Variants in LATS1 observed in about 807,000 individuals in gnomAD.
LATS1 encodes the protein large tumor suppressor kinase 1.
In LATS1, 25 loss-of-function variants were observed where a neutral mutation model predicts 106.6. That is an observed-to-expected ratio of 0.23 (90% CI 0.17 to 0.33). The LOEUF (loss-of-function observed/expected upper bound fraction) is 0.33. Ranked by LOEUF, LATS1 falls within the 10% of genes least tolerant of loss-of-function variation. The pLI, the probability that LATS1 is intolerant of heterozygous loss-of-function variation, is 1.00. For missense variants in LATS1, 1,040 were observed against 1,382.6 expected, an observed-to-expected ratio of 0.75 and a Z score of 3.93; for synonymous variants, 465 against 455.6, an observed-to-expected ratio of 1.02 and a Z score of -0.26.
rs1401645531 is a variant in LATS1, at chr6:149,658,159, G to A, written c.*3570C>T. On this transcript the variant is annotated 3_prime_UTR_variant, in exon 8 of 8. Coordinates refer to ENST00000543571, the MANE Select transcript of LATS1 (RefSeq NM_004690.4). ...ATTAGCTTTCCACACATAATTGAAA[G>A]ATTTGAATTTTTTTTATTATCCCAG... 6.6e-6 allele frequency: 1 copy of A among 152,078 alleles called. No homozygotes were observed. Among genetic ancestry groups the A allele is most frequent in the East Asian group, 1.9e-4 (1 of 5,204 alleles). 9.4% of individuals were successfully genotyped at this position (152,078 alleles called of 1,614,324 possible). A position where few individuals can be genotyped will look rare whatever the true frequency, so the allele number is the denominator to read the frequency against.
intron 1 of LATS1, chr6:149,716,242 C>G (rs1784384752): frequency 6.6e-6 from 1 of 152,140 alleles, no homozygotes; most frequent in African/African-American, 2.4e-5. Context: ...GTAGTCCCAG[C>G]TACTTGAGAG....
chr6:149,682,290 TGAAG>T (rs940193731), intron 4 of LATS1, among the ~76,000 whole-genome samples: 2 of 152,150 alleles, frequency 1.3e-5, no homozygotes, highest in African/African-American at 2.4e-5. Context: ...GAGATATAAC[TGAAG>T]GAAACTTCTT....
At position 149,662,124 on chromosome 6, in the gene LATS1, C is replaced by T. The variant is rs56412005; in HGVS notation, c.2998G>A (p.Gly1000Ser). The T allele has an allele frequency of 9.9e-6, 16 of 1,613,966 alleles. No individual in the cohort carries two copies. The East Asian group carries it at 1.8e-4, about 18-fold the overall frequency. The change falls in exon 8 of 8, where the codon GGT becomes AGT. Residue 1000 changes from glycine (G) to serine (S), a missense_variant. Transcript: ENST00000543571. ...GGATGAGCTTTTATTTCATCAGCACCATTCTTGCCTAAGCGATCTTCGGGT... is the reference window on the plus strand; with the variant it reads ...GGATGAGCTTTTATTTCATCAGCACTATTCTTGCCTAAGCGATCTTCGGGT... Reference protein sequence around the residue: ...RGPEDRLGKNGADEIKAHPFF... With the variant: ...RGPEDRLGKNSADEIKAHPFF...
chr6:149,679,799 A>G (rs1781937253), intron 5 of LATS1, 76 bp downstream of exon 5: 4 of 1,094,134 alleles, frequency 3.7e-6, no homozygotes, highest in Non-Finnish European at 5.2e-6. Flanking sequence ...CAGTGATGAT[A>G]CCATCTTATA....
chr6:149,715,248 T>C (rs1049289447), intron 1 of LATS1, among the ~76,000 whole-genome samples: 1 of 152,060 alleles, frequency 6.6e-6, no homozygotes, highest in African/African-American at 2.4e-5. Context: ...TTTGTATTTT[T>C]AGTAGAGATG....
rs1247350096 is a variant in LATS1, at chr6:149,658,884, G to GT, written c.*2844dup. 1 of 152,058 alleles carries GT rather than the reference G, an allele frequency of 6.6e-6. No individual in the cohort carries two copies. The highest frequency in any genetic ancestry group is 1.5e-5 in the Non-Finnish European group (1 of 68,006). The allele number at this position is 152,058 out of a possible 1,614,324, so 9.4% of individuals were successfully genotyped here. A position where few individuals can be genotyped will look rare whatever the true frequency, so the allele number is the denominator to read the frequency against. ...AATACTATTGATATGCATAAAAAGG[G>GT]TAAGTATAATAAAGACAGCAAGTTT... On this transcript the variant is annotated 3_prime_UTR_variant, in exon 8 of 8. Transcript: ENST00000543571.
chr6:149,687,104 T>G (rs895434810), intron 3 of LATS1, among the ~76,000 whole-genome samples: 1 of 151,938 alleles, frequency 6.6e-6, no homozygotes, highest in Non-Finnish European at 1.5e-5. Context: ...TATTTTTTTT[T>G]TTTTGAGACA....
At chr6:149,695,648 C>G (rs767201585) in intron 2 of LATS1, among the ~76,000 whole-genome samples, 2 of 150,272 alleles carry the variant, frequency 1.3e-5, no homozygotes, top group South Asian at 4.2e-4. Context: ...GTATTCCAGC[C>G]TGGGCAACAG....
At chr6:149,672,613 A>T (rs1280172512) in intron 7 of LATS1, among the ~76,000 whole-genome samples, 2 of 151,968 alleles carry the variant, frequency 1.3e-5, no homozygotes. Context: ...TATTGCTTTT[A>T]AATTTTAGTT....
In LATS1 at chr6:149,659,927, G is replaced by C; in HGVS notation, c.*1802C>G. On this transcript the variant is annotated 3_prime_UTR_variant, in exon 8 of 8. Coordinates refer to ENST00000543571, the MANE Select transcript of LATS1 (RefSeq NM_004690.4). ...TATATTAAAACAACTTAATGTACCA[G>C]CAAGAGAGGCATTCATAAGGTCACC... is the stretch of plus-strand genomic sequence containing the variant. The C allele has an allele frequency of 4.3e-6, 1 of 230,348 alleles. No homozygotes were observed. Among genetic ancestry groups the C allele is most frequent in the Non-Finnish European group, 8.6e-6 (1 of 116,330 alleles). The allele number at this position is 230,348 out of a possible 1,614,324, so 14.3% of individuals were successfully genotyped here.
Position 149,684,183 on chromosome 6 carries a change from T to C in LATS1, c.906A>G (p.Pro302=). ...PPGAWQEGYP[P]PPLNTSPMNP... Reference sequence around the variant, plus strand: ...TCATGGGGGAAGTGTTGAGAGGTGGTGGAGGATAGCCCTCTTGCCATGCCC... The same window carrying C: ...TCATGGGGGAAGTGTTGAGAGGTGGCGGAGGATAGCCCTCTTGCCATGCCC... Residue 302 remains proline (P), a synonymous_variant, in exon 4 of 8, where the codon CCA becomes CCG. Transcript: ENST00000543571. 6.2e-7 allele frequency: 1 copy of C among 1,614,178 alleles called. No individual in the cohort carries two copies. The highest frequency in any genetic ancestry group is 8.5e-7 in the Non-Finnish European group (1 of 1,180,028).
chr6:149,663,454 G>A (rs1371604892), intron 7 of LATS1, among the ~76,000 whole-genome samples: 2 of 152,146 alleles, frequency 1.3e-5, no homozygotes, highest in African/African-American at 4.8e-5. Context: ...CAGCCTGGGC[G>A]ACAGAGCAAG....
At chr6:149,690,090 GT>G (rs1782643000) in intron 3 of LATS1, among the ~76,000 whole-genome samples, 1 of 151,918 alleles carries the variant, frequency 6.6e-6, no homozygotes. Flanking sequence ...ATGAGATTAA[GT>G]ATGGAAATGG....
intron 1 of LATS1, among the ~76,000 whole-genome samples, chr6:149,711,962 C>T (rs1784128406): frequency 6.6e-6 from 1 of 152,080 alleles, no homozygotes; most frequent in Non-Finnish European, 1.5e-5. Flanking sequence ...AGAGGAGACA[C>T]AGTGAGTGAC....
chr6:149,690,803 T>A, intron 3 of LATS1, among the ~76,000 whole-genome samples: 1 of 152,206 alleles, frequency 6.6e-6, no homozygotes. Flanking sequence ...TCTCCCAAAG[T>A]GCTGTGATCA....
At chr6:149,674,212 T>C (rs1190628324) in intron 7 of LATS1, among the ~76,000 whole-genome samples, 2 of 151,058 alleles carry the variant, frequency 1.3e-5, no homozygotes, top group Non-Finnish European at 2.9e-5. Context: ...GTAGCTGGGA[T>C]TACAGGGGCG....
chr6:149,697,019 TA>T, intron 2 of LATS1: 1 of 595,064 alleles, frequency 1.7e-6, no homozygotes, highest in Non-Finnish European at 2.8e-6. Context: ...ATGTTTTATA[TA>T]AACATAAATC....
In LATS1 at chr6:149,696,203, A is replaced by C. The variant is rs544280881; in HGVS notation, c.349-982T>G. Among the ~76,000 whole-genome samples, 347 of 150,052 alleles carry C rather than the reference A, an allele frequency of 2.3e-3. 2 individuals carry two copies. Among genetic ancestry groups the C allele is most frequent in the African/African-American group, 7.9e-3 (325 of 40,918 alleles). ...ATTACAGGTGTGAGCCACTGCTCCCAGCTTCCTAATTCTTATATAAACAAT... is the reference window on the plus strand; with the variant it reads ...ATTACAGGTGTGAGCCACTGCTCCCCGCTTCCTAATTCTTATATAAACAAT... On this transcript the variant is annotated intron_variant, in intron 2 of 7. Coordinates refer to ENST00000543571, the MANE Select transcript of LATS1 (RefSeq NM_004690.4).
intron 7 of LATS1, 151 bp downstream of exon 7, chr6:149,676,109 C>T (rs192013011): frequency 2.4e-4 from 144 of 603,600 alleles, no homozygotes; most frequent in African/African-American, 2.3e-3. Context: ...GCCTCAGCCT[C>T]CCAAAGAACT....
Sources: gnomAD v4.1 joint callset for allele counts (sites outside exome capture counted in the v4.1 genomes callset) on GRCh38, gnomAD v4.1.1 for gene constraint, MANE v1.5 for transcripts, NCBI Gene and HGNC (gene_info 2026-07-23, HGNC 2026-07-21) for gene names.